NR1I2: variants seen among roughly 807,000 people sequenced by gnomAD.
NR1I2 encodes nuclear receptor subfamily 1 group I member 2, also known as orphan nuclear receptor PAR1.
Under a neutral mutation model 43.3 loss-of-function variants are expected in NR1I2, and 42 were observed. The observed-to-expected ratio is 0.97, with a 90% CI of 0.76 to 1.26. The LOEUF is 1.26. Ranked by LOEUF, NR1I2 falls within the 50% of genes most tolerant of loss-of-function variation. The probability of loss-of-function intolerance (pLI) is 0.00; values close to 1 mark genes in which losing one functional copy is unlikely to be tolerated. For missense variants in NR1I2, 559 were observed against 566.7 expected, an observed-to-expected ratio of 0.99 and a Z score of 0.14; for synonymous variants, 229 against 215.0, an observed-to-expected ratio of 1.06 and a Z score of -0.57.
At chr3:119,791,883 A>T in intron 1 of NR1I2, 7 of 607,876 alleles carry the variant, frequency 1.2e-5, no homozygotes, top group South Asian at 8.6e-5. Flanking sequence ...TGCAGAAGGC[A>T]TGGTGAACTC....
chr3:119,805,717 C>CCCCCCCCCA (rs561350711), intron 1 of NR1I2, among the ~76,000 whole-genome samples: 3 of 96,622 alleles, frequency 3.1e-5, no homozygotes, highest in Non-Finnish European at 6.1e-5. Flanking sequence ...TCCCCCCCAC[C>CCCCCCCCCA]AAAAAAAAAA....
At chr3:119,795,389 C>CCAGT (rs1372170300) in intron 1 of NR1I2, among the ~76,000 whole-genome samples, 1 of 152,196 alleles carries the variant, frequency 6.6e-6, no homozygotes, top group Non-Finnish European at 1.5e-5. Context: ...CTCTGCTCAG[C>CCAGT]CAGTCAGCCC....
At chr3:119,796,120 G>C (rs1157214451) in intron 1 of NR1I2, among the ~76,000 whole-genome samples, 1 of 152,190 alleles carries the variant, frequency 6.6e-6, no homozygotes, top group Admixed American at 6.5e-5. Flanking sequence ...TCTGTAGGGG[G>C]AGGACCATGT....
At chr3:119,791,479 G>C (rs1387424042) in intron 1 of NR1I2, among the ~76,000 whole-genome samples, 1 of 152,188 alleles carries the variant, frequency 6.6e-6, no homozygotes, top group Admixed American at 6.5e-5. Context: ...GTCTTCTTCT[G>C]ATGGAGGAAG....
intron 1 of NR1I2, among the ~76,000 whole-genome samples, chr3:119,800,031 C>T (rs1440326663): frequency 2.0e-5 from 3 of 152,054 alleles, no homozygotes; most frequent in African/African-American, 7.2e-5. Flanking sequence ...ATACCCGAAG[C>T]CTTCACGCTT....
At chr3:119,805,872 A>T (rs2055152475) in intron 1 of NR1I2, among the ~76,000 whole-genome samples, 1 of 152,056 alleles carries the variant, frequency 6.6e-6, no homozygotes, top group Non-Finnish European at 1.5e-5. Flanking sequence ...AGCCTACATA[A>T]AGTCAGGATT....
At chr3:119,814,945 G>T (rs769616002) in intron 5 of NR1I2, 34 bp from the exon 6 acceptor site, 1 of 1,613,694 alleles carries the variant, frequency 6.2e-7, no homozygotes, top group Admixed American at 1.7e-5. Flanking sequence ...TGCCTCCCAG[G>T]GAGCTGTCCT....
At chr3:119,800,192 T>G (rs1287106661) in intron 1 of NR1I2, among the ~76,000 whole-genome samples, 1 of 152,226 alleles carries the variant, frequency 6.6e-6, no homozygotes, top group Non-Finnish European at 1.5e-5. Flanking sequence ...GATAAGAGCT[T>G]TAATTCATCT....
At chr3:119,799,985 A>C (rs4267673) in intron 1 of NR1I2, among the ~76,000 whole-genome samples, 7,015 of 142,376 alleles carry the variant, frequency 0.049, 548 homozygotes, top group African/African-American at 0.17. Flanking sequence ...CAAACAAACA[A>C]ACACACACAC....
chr3:119,816,940 CAGCCA>C, intron 8 of NR1I2, 123 bp from the exon 9 acceptor site: 1 of 1,236,404 alleles, frequency 8.1e-7, no homozygotes, highest in African/African-American at 1.5e-5. Context: ...TTACGGAATT[CAGCCA>C]AGCCTTGTCT....
chr3:119,802,026 A>G (rs1050997003), intron 1 of NR1I2, among the ~76,000 whole-genome samples: 1 of 152,232 alleles, frequency 6.6e-6, no homozygotes, highest in African/African-American at 2.4e-5. Context: ...GCGTAGACCC[A>G]GAATTGTCTC....
At chr3:119,789,951 A>G (rs774380084) in intron 1 of NR1I2, among the ~76,000 whole-genome samples, 5 of 152,206 alleles carry the variant, frequency 3.3e-5, no homozygotes, top group African/African-American at 4.8e-5. Context: ...TAAAATTCAA[A>G]TAACAAATTT....
intron 1 of NR1I2, among the ~76,000 whole-genome samples, chr3:119,785,055 C>T (rs2054825939): frequency 6.6e-6 from 1 of 152,186 alleles, no homozygotes; most frequent in South Asian, 2.1e-4. Flanking sequence ...CCAATCTTTA[C>T]AAACCTTAAT....
intron 1 of NR1I2, among the ~76,000 whole-genome samples, chr3:119,800,654 G>C (rs1334404375): frequency 2.0e-5 from 3 of 152,118 alleles, no homozygotes; most frequent in Non-Finnish European, 4.4e-5. Flanking sequence ...TTGAACTCCT[G>C]GGCTCAAGCC....
At chr3:119,801,870 A>G (rs1022945868) in intron 1 of NR1I2, among the ~76,000 whole-genome samples, 13 of 152,080 alleles carry the variant, frequency 8.5e-5, no homozygotes, top group Non-Finnish European at 1.5e-4. Flanking sequence ...GTCCTGTCTC[A>G]TCGGTGCGAT....
At chr3:119,816,024 C>T (rs1329179512) in intron 8 of NR1I2, among the ~76,000 whole-genome samples, 193 bp downstream of exon 8, 1 of 152,168 alleles carries the variant, frequency 6.6e-6, no homozygotes, top group African/African-American at 2.4e-5. Context: ...GGGACGTGGC[C>T]CAGAAAGGGG....
intron 5 of NR1I2, 115 bp downstream of exon 5, chr3:119,813,075 C>G (rs2055268081): frequency 8.5e-7 from 1 of 1,176,996 alleles, no homozygotes; most frequent in Admixed American, 1.9e-5. Flanking sequence ...GAAGACCCTC[C>G]TTTTCCTGTG....
At chr3:119,813,274 A>C (rs2055270512) in intron 5 of NR1I2, among the ~76,000 whole-genome samples, 1 of 152,232 alleles carries the variant, frequency 6.6e-6, no homozygotes, top group Non-Finnish European at 1.5e-5. Context: ...CAGAGTGGGC[A>C]TTCAGATAGT....
chr3:119,801,534 G>A (rs2055081523), intron 1 of NR1I2, among the ~76,000 whole-genome samples: 1 of 152,250 alleles, frequency 6.6e-6, no homozygotes, highest in Admixed American at 6.5e-5. Context: ...ATGGAAGAGT[G>A]GCATGGGAGC....
Sources: gnomAD v4.1 joint callset for allele counts (sites outside exome capture counted in the v4.1 genomes callset) on GRCh38, gnomAD v4.1.1 for gene constraint, MANE v1.5 for transcripts, NCBI Gene and HGNC (gene_info 2026-07-23, HGNC 2026-07-21) for gene names.